Variants in CDH13 observed in about 807,000 individuals in gnomAD.
CDH13 encodes cadherin 13, also known as cadherin-13.
CDH13 carries 24 observed loss-of-function variants against 63.8 expected under a neutral mutation model. That is an observed-to-expected ratio of 0.38 (90% CI 0.27 to 0.53). CDH13 has a LOEUF of 0.53. Ranked by LOEUF, CDH13 falls within the 20% of genes least tolerant of loss-of-function variation. The probability of loss-of-function intolerance (pLI) is 0.85; values close to 1 mark genes in which losing one functional copy is unlikely to be tolerated. For missense variants in CDH13, 1,049 were observed against 903.1 expected, an observed-to-expected ratio of 1.16 and a Z score of -2.07; for synonymous variants, 503 against 355.3, an observed-to-expected ratio of 1.42 and a Z score of -4.67.
intron 3 of CDH13, among the ~76,000 whole-genome samples, chr16:83,051,637 G>A (rs918937955): frequency 3.3e-5 from 5 of 152,096 alleles, no homozygotes; most frequent in Admixed American, 6.5e-5. Context: ...AAGACACTCC[G>A]GATTCTTCAC....
chr16:82,956,729 T>C (rs1279292545), intron 2 of CDH13, among the ~76,000 whole-genome samples: 1 of 152,240 alleles, frequency 6.6e-6, no homozygotes, highest in Non-Finnish European at 1.5e-5. Flanking sequence ...ATCCCTAGAA[T>C]GTGCCAGGTT....
At chr16:82,933,082 C>G (rs963288852) in intron 2 of CDH13, among the ~76,000 whole-genome samples, 20 of 152,054 alleles carry the variant, frequency 1.3e-4, no homozygotes, top group Admixed American at 3.9e-4. Context: ...AAGGCTGAAT[C>G]AAATGATTCA....
intron 1 of CDH13, among the ~76,000 whole-genome samples, chr16:82,842,141 CATATATATATATATATATAT>C (rs1170008694): frequency 0.01 from 654 of 62,304 alleles, 15 homozygotes; most frequent in Middle Eastern, 0.038. Context: ...TATATATACA[CATATATATATATATATATAT>C]ATACACACAC....
rs59338446 is a variant in CDH13, at chr16:82,811,914, T to C, written c.46-46448T>C. Among the ~76,000 whole-genome samples, 9,031 of 152,222 alleles carry C rather than the reference T, an allele frequency of 0.059. 1,422 individuals carry two copies. In the East Asian group the frequency reaches 0.62, roughly 10 times the overall value. On this transcript the variant is annotated intron_variant, in intron 1 of 13. Transcript: ENST00000567109. Reference sequence around the variant, plus strand: ...TGACCATGAGTTTGGTTAGGGCCTGTTGAGTTTGAAGTGCCTTTTGAGTAT... The same window carrying C: ...TGACCATGAGTTTGGTTAGGGCCTGCTGAGTTTGAAGTGCCTTTTGAGTAT...
Position 82,665,771 on chromosome 16 carries a change from C to G in CDH13, c.45+38634C>G, listed in dbSNP as rs555633131. ...CACCCTGTAAATTGGACCTACTGAA[C>G]AGCAATAGTTTAGCCTAACCTACTT... is the stretch of plus-strand genomic sequence containing the variant. On this transcript the variant is annotated intron_variant, in intron 1 of 13. Transcript: ENST00000567109. Among the ~76,000 whole-genome samples, 8 of 152,142 alleles carry G rather than the reference C, an allele frequency of 5.3e-5. 1 individual carries two copies. The South Asian group carries it at 1.0e-3, about 20-fold the overall frequency.
chr16:82,776,624 G>A (rs1283738748), intron 1 of CDH13, among the ~76,000 whole-genome samples: 1 of 152,224 alleles, frequency 6.6e-6, no homozygotes, highest in African/African-American at 2.4e-5. Flanking sequence ...TTAACTGAAT[G>A]AGGAAGTTAA....
At chr16:82,979,961 C>T (rs193168260) in intron 2 of CDH13, among the ~76,000 whole-genome samples, 36 of 152,040 alleles carry the variant, frequency 2.4e-4, no homozygotes, top group African/African-American at 8.7e-4. Flanking sequence ...TTGCAGCAGC[C>T]CATAGATGAC....
rs189496959 is a variant in CDH13, at chr16:83,193,718, C to T, written c.484-23627C>T. Among the ~76,000 whole-genome samples, 5 of 152,310 alleles carry T rather than the reference C, an allele frequency of 3.3e-5. No homozygotes were observed. In the East Asian group the frequency reaches 9.6e-4, roughly 29 times the overall value. On this transcript the variant is annotated intron_variant, in intron 4 of 13. Coordinates refer to ENST00000567109, the MANE Select transcript of CDH13 (RefSeq NM_001257.5). ...AAATCACTGGCTCCTTTTCTTTCTTCCTCTGCATCTTCACCAAGGAGTGGT... is the reference window on the plus strand; with the variant it reads ...AAATCACTGGCTCCTTTTCTTTCTTTCTCTGCATCTTCACCAAGGAGTGGT...
chr16:83,696,448 G>C (rs150195633), intron 10 of CDH13, among the ~76,000 whole-genome samples: 11 of 152,182 alleles, frequency 7.2e-5, no homozygotes, highest in African/African-American at 2.4e-4. Context: ...CCAATAGAGT[G>C]AGCACATGAA....
intron 1 of CDH13, among the ~76,000 whole-genome samples, chr16:82,634,180 C>A (rs1381361663): frequency 6.6e-6 from 1 of 152,222 alleles, no homozygotes; most frequent in East Asian, 1.9e-4. Flanking sequence ...CTGGGCAGGG[C>A]CCGGAAATGA....
At chr16:83,393,523 C>G (rs1478820366) in intron 6 of CDH13, among the ~76,000 whole-genome samples, 1 of 152,158 alleles carries the variant, frequency 6.6e-6, no homozygotes, top group East Asian at 1.9e-4. Context: ...CCATGGCTGC[C>G]AGGAACCAGG....
chr16:83,770,057 G>T (rs1419091441), intron 11 of CDH13, among the ~76,000 whole-genome samples: 1 of 152,066 alleles, frequency 6.6e-6, no homozygotes, highest in African/African-American at 2.4e-5. Context: ...TCAACCCTGT[G>T]GGGATGGTTT....
intron 3 of CDH13, among the ~76,000 whole-genome samples, chr16:83,094,598 C>T (rs1242821753): frequency 6.6e-6 from 1 of 152,100 alleles, no homozygotes; most frequent in African/African-American, 2.4e-5. Flanking sequence ...GAAGGCAAGG[C>T]CTCTTAGTTT....
chr16:83,486,386 G>A (rs2073889993), intron 6 of CDH13, 91 bp from the exon 7 acceptor site: 2 of 1,051,530 alleles, frequency 1.9e-6, no homozygotes, highest in Admixed American at 2.1e-5. Context: ...TGGGCACACT[G>A]CTGCACTGCT....
chr16:82,939,592 G>C (rs1194697832), intron 2 of CDH13, among the ~76,000 whole-genome samples: 1 of 152,134 alleles, frequency 6.6e-6, no homozygotes, highest in Non-Finnish European at 1.5e-5. Context: ...GTATGGGTTA[G>C]ATATTCTAAC....
At chr16:82,951,542 G>A (rs1026192385) in intron 2 of CDH13, among the ~76,000 whole-genome samples, 5 of 152,128 alleles carry the variant, frequency 3.3e-5, no homozygotes, top group African/African-American at 1.2e-4. Context: ...GTTCTTATGC[G>A]AGACCACGGC....
intron 6 of CDH13, among the ~76,000 whole-genome samples, chr16:83,420,100 A>C (rs192431725): frequency 6.6e-6 from 1 of 152,276 alleles, no homozygotes; most frequent in Admixed American, 6.5e-5. Flanking sequence ...GAGCAGAATA[A>C]AAAATATAAA....
intron 11 of CDH13, among the ~76,000 whole-genome samples, chr16:83,766,490 T>C (rs1914396191): frequency 6.6e-6 from 1 of 152,172 alleles, no homozygotes; most frequent in Non-Finnish European, 1.5e-5. Context: ...CTTCCTACAT[T>C]TCATTGTTCA....
chr16:82,822,560 G>A (rs1035813320), intron 1 of CDH13, among the ~76,000 whole-genome samples: 63 of 152,190 alleles, frequency 4.1e-4, no homozygotes, highest in African/African-American at 1.4e-3. Context: ...GCAGTGGTGC[G>A]ATCAAAGCTC....
Sources: allele counts gnomAD v4.1 joint callset (sites outside exome capture counted in the v4.1 genomes callset), GRCh38; gene constraint gnomAD v4.1.1; transcripts MANE v1.5; gene names NCBI Gene and HGNC (gene_info 2026-07-23, HGNC 2026-07-21).